EGFLAM: variants seen among roughly 807,000 people sequenced by gnomAD.
EGFLAM encodes the protein pikachurin.
EGFLAM carries 79 observed loss-of-function variants against 113.1 expected under a neutral mutation model. The ratio of observed to expected loss-of-function variants is 0.70; its 90% CI spans 0.58 to 0.84. The LOEUF is 0.84. EGFLAM is among the 40% of genes least tolerant of loss of function. EGFLAM has a pLI of 0.00. For missense variants in EGFLAM, 1,265 were observed against 1,291.6 expected (o/e 0.98, Z 0.32); for synonymous variants, 504 against 487.6 (o/e 1.03, Z -0.44).
At chr5:38,389,352 A>C (rs1441042608) in intron 6 of EGFLAM, among the ~76,000 whole-genome samples, 1 of 152,172 alleles carries the variant, frequency 6.6e-6, no homozygotes, top group Non-Finnish European at 1.5e-5. Context: ...ATTTTTCTAA[A>C]GCATCTTAAT....
chr5:38,384,405 G>A (rs1046473426), intron 6 of EGFLAM, among the ~76,000 whole-genome samples: 13 of 152,094 alleles, frequency 8.5e-5, no homozygotes, highest in South Asian at 8.3e-4. Context: ...TGGTTACACC[G>A]CTCCATTCTC....
At chr5:38,410,203 A>G (rs919630039) in intron 10 of EGFLAM, among the ~76,000 whole-genome samples, 1 of 152,246 alleles carries the variant, frequency 6.6e-6, no homozygotes, top group Non-Finnish European at 1.5e-5. Flanking sequence ...GTTAAGTTGA[A>G]GAAGGCTTCT....
chr5:38,325,765 A>G (rs913442535), intron 1 of EGFLAM, among the ~76,000 whole-genome samples: 12 of 152,220 alleles, frequency 7.9e-5, no homozygotes, highest in African/African-American at 2.4e-4. Flanking sequence ...TGCAGATAAA[A>G]GTACATACTT....
rs115108652 is a variant in EGFLAM at position 38,283,547 on chromosome 5, G to T, written c.97+24696G>T. 4.8e-3 allele frequency among the ~76,000 whole-genome samples: 724 copies of T among 152,302 alleles called. 8 individuals are homozygous for T. The highest frequency in any genetic ancestry group is 0.016 in the African/African-American group (683 of 41,582). On this transcript the variant is annotated intron_variant, in intron 1 of 21. Transcript: ENST00000322350. ...CTAAGGCTGGCAGGGTACAATCTTA[G>T]AATTTTAGCATTAGAAGGGACTTTG...
intron 1 of EGFLAM, among the ~76,000 whole-genome samples, chr5:38,277,299 T>G (rs755989302): frequency 3.0e-4 from 45 of 152,124 alleles, no homozygotes; most frequent in Non-Finnish European, 5.6e-4. Flanking sequence ...ATTAACAGAA[T>G]GAAGGACAAA....
rs10473090 is a variant in EGFLAM at position 38,277,589 on chromosome 5, A to T, written c.97+18738A>T. Among the ~76,000 whole-genome samples, 279 of 151,700 alleles carry T rather than the reference A, an allele frequency of 1.8e-3. 2 individuals are homozygous for T. The highest frequency in any genetic ancestry group is 5.7e-3 in the African/African-American group (237 of 41,422). On this transcript the variant is annotated intron_variant, in intron 1 of 21. Transcript: ENST00000322350. ...AATTAGGCAAGATAAAGAAATAAAA[A>T]GCTCTAAATGGGAAAGAAGAAGTGA...
At chr5:38,423,239 A>C (rs1157070987) in intron 12 of EGFLAM, among the ~76,000 whole-genome samples, 1 of 152,066 alleles carries the variant, frequency 6.6e-6, no homozygotes, top group Non-Finnish European at 1.5e-5. Flanking sequence ...CTCATTTCTT[A>C]CTTCCTTGGA....
intron 1 of EGFLAM, among the ~76,000 whole-genome samples, chr5:38,259,901 T>C (rs1391280025): frequency 6.6e-6 from 1 of 152,230 alleles, no homozygotes; most frequent in Non-Finnish European, 1.5e-5. Context: ...CGGGATCCCA[T>C]GTGAATGCTT....
intron 5 of EGFLAM, among the ~76,000 whole-genome samples, chr5:38,354,072 G>A (rs1739700117): frequency 2.0e-5 from 3 of 152,190 alleles, no homozygotes; most frequent in African/African-American, 4.8e-5. Context: ...TGTGGATTGA[G>A]TATTCAAGAG....
chr5:38,457,235 T>A (rs2561812), intron 19 of EGFLAM, among the ~76,000 whole-genome samples: 37,727 of 152,038 alleles, frequency 0.25, 8,768 homozygotes, highest in African/African-American at 0.62. Flanking sequence ...CATTTTTTTT[T>A]AAAAAGTGAA....
chr5:38,406,284 T>G (rs200662695), intron 7 of EGFLAM, 43 bp downstream of exon 7: 355 of 1,565,422 alleles, frequency 2.3e-4, no homozygotes, highest in Non-Finnish European at 5.3e-5. Context: ...TGTTTGTGTT[T>G]TCTTGCCGAA....
rs186946610 is a variant in EGFLAM, at chr5:38,377,702, G to A, written c.712+7240G>A. On this transcript the variant is annotated intron_variant, in intron 6 of 21. Coordinates refer to ENST00000322350, the MANE Select transcript of EGFLAM (RefSeq NM_152403.4). ...AAAAGTGAACTCCCAGAATTGCAATGTGGTATAAATAAGGAAAAGGTAAAC... is the reference window on the plus strand; with the variant it reads ...AAAAGTGAACTCCCAGAATTGCAATATGGTATAAATAAGGAAAAGGTAAAC... Among the ~76,000 whole-genome samples, 119 of 152,294 alleles carry A rather than the reference G, an allele frequency of 7.8e-4. 1 individual carries two copies. The highest frequency in any genetic ancestry group is 2.8e-3 in the African/African-American group (115 of 41,562).
At chr5:38,413,560 C>A (rs1049634440) in intron 11 of EGFLAM, among the ~76,000 whole-genome samples, 4 of 152,002 alleles carry the variant, frequency 2.6e-5, no homozygotes, top group Admixed American at 1.3e-4. Context: ...ATGGTCTGGG[C>A]AATTTTAGGA....
intron 6 of EGFLAM, among the ~76,000 whole-genome samples, chr5:38,404,831 G>A (rs999421504): frequency 1.3e-5 from 2 of 152,176 alleles, no homozygotes; most frequent in East Asian, 1.9e-4. Flanking sequence ...GTGAGGACAT[G>A]CAGGTGCCCT....
intron 1 of EGFLAM, 96 bp downstream of exon 1, chr5:38,258,947 C>T: frequency 7.7e-7 from 1 of 1,303,562 alleles, no homozygotes; most frequent in Non-Finnish European, 1.0e-6. Context: ...GCCTCCCTCT[C>T]CCCGACCAAC....
At chr5:38,412,371 G>T (rs142155387) in intron 10 of EGFLAM, 133 bp from the exon 11 acceptor site, 38 of 1,328,484 alleles carry the variant, frequency 2.9e-5, no homozygotes, top group Non-Finnish European at 3.7e-5. Flanking sequence ...AACAGCACTT[G>T]ATATTCATAA....
At chr5:38,387,117 G>C (rs1288381978) in intron 6 of EGFLAM, among the ~76,000 whole-genome samples, 2 of 152,192 alleles carry the variant, frequency 1.3e-5, no homozygotes, top group Non-Finnish European at 2.9e-5. Context: ...TTTCTGGGCT[G>C]AGTGTGGAGG....
intron 1 of EGFLAM, among the ~76,000 whole-genome samples, chr5:38,326,460 A>G (rs988545611): frequency 1.3e-5 from 2 of 150,838 alleles, no homozygotes; most frequent in Non-Finnish European, 2.9e-5. Context: ...AGCACTAACA[A>G]CCTCCTTCCT....
At chr5:38,448,470 A>T in intron 18 of EGFLAM, 91 bp downstream of exon 18, 1 of 1,337,212 alleles carries the variant, frequency 7.5e-7, no homozygotes, top group Non-Finnish European at 1.1e-6. Context: ...TTCATGCCAG[A>T]AGATAATTCT....
Sources: allele counts gnomAD v4.1 joint callset (sites outside exome capture counted in the v4.1 genomes callset), GRCh38; gene constraint gnomAD v4.1.1; transcripts MANE v1.5; gene names NCBI Gene and HGNC (gene_info 2026-07-23, HGNC 2026-07-21).